AGBL1: variants seen among roughly 807,000 people sequenced by gnomAD.
AGBL1 encodes AGBL carboxypeptidase 1.
A neutral mutation model predicts 118.9 loss-of-function variants in AGBL1; 130 were observed. The observed-to-expected ratio is 1.09, with a 90% CI of 0.95 to 1.26. AGBL1 has a LOEUF of 1.26. Among genes scored for constraint, AGBL1 ranks in the 50% most tolerant of loss-of-function variants. The pLI is 0.00. For missense variants in AGBL1, 1,584 were observed against 1,298.1 expected (o/e 1.22, Z -3.38); for synonymous variants, 555 against 478.9 (o/e 1.16, Z -2.08).
At chr15:86,365,016 C>CCCAT (rs2080865403) in intron 17 of AGBL1, among the ~76,000 whole-genome samples, 2 of 121,992 alleles carry the variant, frequency 1.6e-5, no homozygotes, top group Admixed American at 8.4e-5. Flanking sequence ...TATACACACA[C>CCCAT]ATATATATAT....
chr15:86,596,010 C>T (rs1186377232), intron 21 of AGBL1, among the ~76,000 whole-genome samples: 3 of 151,984 alleles, frequency 2.0e-5, no homozygotes, highest in Admixed American at 6.6e-5. Context: ...AAAGACCAAT[C>T]TTAGGGGGTT....
chr15:86,536,411 A>G (rs1316957438), intron 19 of AGBL1, among the ~76,000 whole-genome samples: 1 of 152,110 alleles, frequency 6.6e-6, no homozygotes, highest in East Asian at 1.9e-4. Flanking sequence ...CCCGGGTTCA[A>G]GCAATTCTCC....
At chr15:86,338,133 T>C (rs1166028442) in intron 17 of AGBL1, among the ~76,000 whole-genome samples, 1 of 152,124 alleles carries the variant, frequency 6.6e-6, no homozygotes, top group Admixed American at 6.5e-5. Context: ...CATGGGGACA[T>C]GGGCTCTGAA....
At chr15:86,101,612 A>G (rs963845346) in intron 1 of AGBL1, among the ~76,000 whole-genome samples, 8 of 146,770 alleles carry the variant, frequency 5.5e-5, no homozygotes, top group African/African-American at 1.5e-4. Context: ...TTCCTTTATC[A>G]TTGTGTAATG....
intron 22 of AGBL1, among the ~76,000 whole-genome samples, chr15:86,714,474 C>T (rs1028902981): frequency 2.2e-4 from 33 of 152,058 alleles, no homozygotes; most frequent in African/African-American, 7.7e-4. Flanking sequence ...CAATGGCTGT[C>T]TTATCAAAGC....
chr15:86,698,334 T>C (rs973033958), intron 22 of AGBL1, among the ~76,000 whole-genome samples: 1 of 151,966 alleles, frequency 6.6e-6, no homozygotes, highest in African/African-American at 2.4e-5. Context: ...TTCTTCGAAA[T>C]ATCCCCTAAA....
chr15:86,407,750 G>A (rs1299874109), intron 18 of AGBL1, among the ~76,000 whole-genome samples: 1 of 152,072 alleles, frequency 6.6e-6, no homozygotes, highest in Non-Finnish European at 1.5e-5. Flanking sequence ...TTTTATGTCT[G>A]GGCATTCTCC....
chr15:86,105,177 T>C lies in AGBL1; in HGVS notation c.51+25154T>C, dbSNP rs1488437220. The C allele has an allele frequency of 2.6e-5, 4 of 152,210 alleles. No homozygotes were observed. In the East Asian group the frequency reaches 7.7e-4, roughly 29 times the overall value. The allele number at this position is 152,210 out of a possible 1,614,324, so 9.4% of individuals were successfully genotyped here. On this transcript the variant is annotated intron_variant, in intron 1 of 22. Transcript: ENST00000614907. ...GGAGGCAAGTACCAGATGCCTCTAG[T>C]CAGCCATCTTGAAGACTCTCTCTTC...
At chr15:86,660,430 A>G (rs2085520266) in intron 21 of AGBL1, among the ~76,000 whole-genome samples, 1 of 152,192 alleles carries the variant, frequency 6.6e-6, no homozygotes, top group South Asian at 2.1e-4. Flanking sequence ...AAGGCAACAT[A>G]TACACGTATC....
chr15:86,747,030 C>G (rs1483668682), intron 22 of AGBL1, among the ~76,000 whole-genome samples: 1 of 151,948 alleles, frequency 6.6e-6, no homozygotes, highest in Non-Finnish European at 1.5e-5. Context: ...ATAATGGAAA[C>G]TGGAAGTGAA....
chr15:86,098,163 CTATT>C (rs893900214), intron 1 of AGBL1, among the ~76,000 whole-genome samples: 2 of 151,626 alleles, frequency 1.3e-5, no homozygotes, highest in African/African-American at 4.8e-5. Flanking sequence ...TGTAATAAAA[CTATT>C]TATTTTTTTT....
Position 86,667,234 on chromosome 15 carries a change from G to C in AGBL1, c.2995-7039G>C, listed in dbSNP as rs113654616. Among the ~76,000 whole-genome samples the C allele has an allele frequency of 5.8e-4, 57 of 97,546 alleles. No homozygotes were observed. The East Asian group carries it at 8.2e-3, about 14-fold the overall frequency. 64.0% of individuals were successfully genotyped at this position (97,546 alleles called of 152,430 possible). Reference sequence around the variant, plus strand: ...TGTATCTATGTATGTATGTATGTATGTATGTATGTATGTATGTATGTATCT... The same window carrying C: ...TGTATCTATGTATGTATGTATGTATCTATGTATGTATGTATGTATGTATCT... On this transcript the variant is annotated intron_variant, in intron 21 of 22. Transcript: ENST00000614907.
chr15:86,679,264 A>G, intron 22 of AGBL1, among the ~76,000 whole-genome samples: 1 of 152,012 alleles, frequency 6.6e-6, no homozygotes, highest in Non-Finnish European at 1.5e-5. Flanking sequence ...TATTGTAGGG[A>G]TTCTGTTCGT....
intron 1 of AGBL1, 29 bp from the exon 2 acceptor site, chr15:86,141,975 A>C: frequency 1.3e-6 from 2 of 1,546,660 alleles, no homozygotes; most frequent in Non-Finnish European, 1.7e-6. Context: ...TTGCATTCTT[A>C]AATATGGCTG....
intron 18 of AGBL1, among the ~76,000 whole-genome samples, chr15:86,417,460 A>T (rs976333102): frequency 2.0e-5 from 3 of 152,236 alleles, no homozygotes; most frequent in Non-Finnish European, 4.4e-5. Flanking sequence ...ATGTTCATTG[A>T]ACATATCCTA....
chr15:86,415,512 C>T (rs1234882917), intron 18 of AGBL1, among the ~76,000 whole-genome samples: 5 of 152,034 alleles, frequency 3.3e-5, no homozygotes, highest in Non-Finnish European at 5.9e-5. Context: ...TTAAAGTAAA[C>T]AACACTTATA....
At chr15:86,606,132 A>AAAAAAAAAAAT (rs958901818) in intron 21 of AGBL1, among the ~76,000 whole-genome samples, 15 of 151,160 alleles carry the variant, frequency 9.9e-5, no homozygotes, top group African/African-American at 3.6e-4. Context: ...ATCTCAAAAA[A>AAAAAAAAAAAT]AAAAAAAAAA....
At chr15:86,520,392 T>C (rs142598245) in intron 18 of AGBL1, among the ~76,000 whole-genome samples, 15 of 152,258 alleles carry the variant, frequency 9.9e-5, no homozygotes, top group East Asian at 9.6e-4. Flanking sequence ...CTCAAAGAGG[T>C]CTCAAATCCT....
rs368172985 is a variant in AGBL1, at chr15:86,670,401, T to C, written c.2995-3872T>C. ...GGCAGATCACCTGAGGTCAGGAGTT[T>C]GAGACCAGCCTGGCCAAGGTGGTGA... On this transcript the variant is annotated intron_variant, in intron 21 of 22. Transcript: ENST00000614907. 6.7e-3 allele frequency among the ~76,000 whole-genome samples: 1,013 copies of C among 151,850 alleles called. 8 individuals carry two copies. The highest frequency in any genetic ancestry group is 0.021 in the East Asian group (106 of 5,108).
Sources: gnomAD v4.1 joint callset for allele counts (sites outside exome capture counted in the v4.1 genomes callset) on GRCh38, gnomAD v4.1.1 for gene constraint, MANE v1.5 for transcripts, NCBI Gene and HGNC (gene_info 2026-07-23, HGNC 2026-07-21) for gene names.